NKAIN2: variants seen among roughly 807,000 people sequenced by gnomAD.
The protein encoded by NKAIN2 is sodium/potassium-transporting ATPase subunit beta-1-interacting protein 2.
Under a neutral mutation model 32.6 loss-of-function variants are expected in NKAIN2, and 14 were observed. The ratio of observed to expected loss-of-function variants is 0.43; its 90% CI spans 0.28 to 0.67. NKAIN2 has a LOEUF of 0.67. Among genes scored for constraint, NKAIN2 ranks in the 30% least tolerant of loss-of-function variants. NKAIN2 has a pLI of 0.17. For synonymous variants in NKAIN2, 80 were observed against 87.2 expected, an observed-to-expected ratio of 0.92 and a Z score of 0.46; for missense variants, 198 against 258.3, an observed-to-expected ratio of 0.77 and a Z score of 1.60.
At chr6:124,516,186 T>G (rs1778907561) in intron 3 of NKAIN2, among the ~76,000 whole-genome samples, 1 of 152,108 alleles carries the variant, frequency 6.6e-6, no homozygotes, top group South Asian at 2.1e-4. Context: ...AAATAGAGAC[T>G]ATGATAAGTG....
chr6:124,169,472 T>A (rs910959301), intron 1 of NKAIN2, among the ~76,000 whole-genome samples: 1 of 152,152 alleles, frequency 6.6e-6, no homozygotes, highest in African/African-American at 2.4e-5. Flanking sequence ...CATTTTACAA[T>A]CCATGGCACA....
At chr6:123,983,406 C>T (rs1778988655) in intron 1 of NKAIN2, among the ~76,000 whole-genome samples, 1 of 152,134 alleles carries the variant, frequency 6.6e-6, no homozygotes, top group Admixed American at 6.6e-5. Flanking sequence ...TTGAACCAAA[C>T]AGGATACAGT....
At chr6:124,038,574 A>T in intron 1 of NKAIN2, among the ~76,000 whole-genome samples, 1 of 152,096 alleles carries the variant, frequency 6.6e-6, no homozygotes, top group Admixed American at 6.6e-5. Flanking sequence ...ATCCACCTGG[A>T]ACTGGACATT....
In NKAIN2 at chr6:124,295,412, TAGCTGACAATTTAGTAAAACTA is replaced by T. The variant is rs536760846; in HGVS notation, c.192+12273_192+12294del. Among the ~76,000 whole-genome samples, 9 of 152,278 alleles carry T rather than the reference TAGCTGACAATTTAGTAAAACTA, an allele frequency of 5.9e-5. No homozygotes were observed. In the South Asian group the frequency reaches 1.0e-3, roughly 18 times the overall value. On this transcript the variant is annotated intron_variant, in intron 2 of 6. Coordinates refer to ENST00000368417, the MANE Select transcript of NKAIN2 (RefSeq NM_001040214.3). ...GAGAGGTTTGTAGCATAGTGTTGTT[TAGCTGACAATTTAGTAAAACTA>T]AGACAAACAGCCCCATAGCTGCAGG...
chr6:124,743,595 A>C (rs1454685251), intron 4 of NKAIN2, among the ~76,000 whole-genome samples: 1 of 151,896 alleles, frequency 6.6e-6, no homozygotes, highest in Non-Finnish European at 1.5e-5. Context: ...AGTGAACTGT[A>C]ATGATAACAT....
chr6:124,484,648 A>G (rs1242176791), intron 3 of NKAIN2, among the ~76,000 whole-genome samples: 1 of 152,204 alleles, frequency 6.6e-6, no homozygotes, highest in Non-Finnish European at 1.5e-5. Context: ...AAGGCAAGAT[A>G]TATGTGAGAT....
At chr6:124,515,701 T>A (rs1778882302) in intron 3 of NKAIN2, among the ~76,000 whole-genome samples, 1 of 3,362 alleles carries the variant, frequency 3.0e-4, no homozygotes, top group African/African-American at 3.2e-4. Flanking sequence ...ACTTCATTTT[T>A]CTTCGCTTTC....
intron 4 of NKAIN2, among the ~76,000 whole-genome samples, chr6:124,791,024 A>T (rs895328653): frequency 6.6e-6 from 1 of 152,162 alleles, no homozygotes; most frequent in African/African-American, 2.4e-5. Context: ...CACAAATGCA[A>T]ATGTTAATCC....
intron 1 of NKAIN2, among the ~76,000 whole-genome samples, chr6:124,277,902 A>T (rs980431079): frequency 6.6e-6 from 1 of 151,716 alleles, no homozygotes; most frequent in Non-Finnish European, 1.5e-5. Context: ...CTGTTTCATC[A>T]TCATAGTTTC....
intron 1 of NKAIN2, among the ~76,000 whole-genome samples, chr6:124,178,588 C>T (rs1372757878): frequency 6.6e-6 from 1 of 152,178 alleles, no homozygotes; most frequent in Non-Finnish European, 1.5e-5. Flanking sequence ...TGAGCCACCA[C>T]ACCTGGCCGA....
intron 1 of NKAIN2, among the ~76,000 whole-genome samples, chr6:124,009,738 G>A (rs1780236408): frequency 6.6e-6 from 1 of 152,120 alleles, no homozygotes; most frequent in South Asian, 2.1e-4. Context: ...TAGGAACATT[G>A]TGAATGAATC....
At chr6:123,987,380 G>A (rs1779187980) in intron 1 of NKAIN2, among the ~76,000 whole-genome samples, 1 of 152,134 alleles carries the variant, frequency 6.6e-6, no homozygotes, top group South Asian at 2.1e-4. Context: ...CTAATGATCT[G>A]TTTTTGGAAT....
intron 3 of NKAIN2, among the ~76,000 whole-genome samples, chr6:124,464,698 G>A (rs898417839): frequency 2.0e-5 from 3 of 151,992 alleles, no homozygotes; most frequent in African/African-American, 4.8e-5. Context: ...TTATTTCTGA[G>A]GCCTCTGTTC....
At chr6:124,666,666 G>T (rs899106602) in intron 4 of NKAIN2, among the ~76,000 whole-genome samples, 2 of 152,134 alleles carry the variant, frequency 1.3e-5, no homozygotes, top group Non-Finnish European at 2.9e-5. Flanking sequence ...ACTGAAAAGT[G>T]CAGTTGTAAA....
At chr6:124,429,396 C>T (rs1355424704) in intron 3 of NKAIN2, among the ~76,000 whole-genome samples, 5 of 151,984 alleles carry the variant, frequency 3.3e-5, no homozygotes, top group African/African-American at 1.2e-4. Context: ...AGTTCCATTG[C>T]TGCATTGGCT....
intron 1 of NKAIN2, among the ~76,000 whole-genome samples, chr6:124,252,829 TTAAAGA>T (rs1397154575): frequency 6.6e-6 from 1 of 152,102 alleles, no homozygotes; most frequent in African/African-American, 2.4e-5. Flanking sequence ...TATCTCTAAA[TTAAAGA>T]TAATGATAAT....
At chr6:124,208,015 A>G (rs1562422868) in intron 1 of NKAIN2, among the ~76,000 whole-genome samples, 1 of 151,718 alleles carries the variant, frequency 6.6e-6, no homozygotes, top group East Asian at 1.9e-4. Flanking sequence ...ATGTACTTTA[A>G]TTATTGTTAA....
intron 1 of NKAIN2, among the ~76,000 whole-genome samples, chr6:124,020,912 C>A (rs1406125310): frequency 1.3e-5 from 2 of 151,952 alleles, no homozygotes; most frequent in African/African-American, 4.8e-5. Flanking sequence ...AATGAAGAAA[C>A]AGAAATAGTT....
intron 1 of NKAIN2, among the ~76,000 whole-genome samples, chr6:124,014,917 T>C (rs73770304): frequency 0.021 from 3,214 of 152,250 alleles, 104 homozygotes; most frequent in African/African-American, 0.074. Context: ...TGGACACATT[T>C]TTTCCATTTT....
Sources: gnomAD v4.1 joint callset for allele counts (sites outside exome capture counted in the v4.1 genomes callset) on GRCh38, gnomAD v4.1.1 for gene constraint, MANE v1.5 for transcripts, NCBI Gene and HGNC (gene_info 2026-07-23, HGNC 2026-07-21) for gene names.